Variants in ADGRG2 observed in about 807,000 individuals in gnomAD.
ADGRG2 encodes G protein-coupled receptor 64.
ADGRG2 carries 26 observed loss-of-function variants against 74.1 expected under a neutral mutation model. That is an observed-to-expected ratio of 0.35 (90% CI 0.26 to 0.49). ADGRG2 has a LOEUF of 0.49. Ranked by LOEUF, ADGRG2 falls within the 20% of genes least tolerant of loss-of-function variation. The pLI, the probability that ADGRG2 is intolerant of heterozygous loss-of-function variation, is 0.99. For synonymous variants in ADGRG2, 296 were observed against 295.2 expected, an observed-to-expected ratio of 1.00 and a Z score of -0.03; for missense variants, 619 against 763.1, an observed-to-expected ratio of 0.81 and a Z score of 2.22.
rs41304743 is a variant in ADGRG2 at position 18,990,162 on chromosome X, G to A, written c.*702C>T. The A allele has an allele frequency of 0.024, 2,692 of 112,535 alleles. 28 individuals carry two copies. The highest frequency in any genetic ancestry group is 0.037 in the Non-Finnish European group (1,995 of 53,212). 9.3% of individuals were successfully genotyped at this position (112,535 alleles called of 1,213,427 possible). On this transcript the variant is annotated 3_prime_UTR_variant, in exon 29 of 29. Transcript: ENST00000379869. ...CCCATAGGGCTGTGTCTGCCCAGTG[G>A]GGGCATCTTTTCCTAACTTGCTCAA...
Position 19,013,779 on chromosome X carries a change from C to G in ADGRG2, c.1006G>C (p.Gly336Arg), listed in dbSNP as rs150585318. ...GAGGCTTTCACAGGAGGTGGGGTGC[C>G]GGAGACATGGGTTTGGGGCATAGGG... ...SSPMPQTHVS[G>R]TPPPVKASFS... The change falls in exon 16 of 29, where the codon GGC (glycine) becomes CGC (arginine). Residue 336 changes from glycine to arginine, a missense_variant. By Grantham distance (125) the Gly-to-Arg change is moderately radical. This residue lies in a region of ADGRG2 where 292 missense variants were observed against 318.0 expected (regional missense o/e 0.92). Coordinates refer to ENST00000379869, the MANE Select transcript of ADGRG2 (RefSeq NM_001079858.3). The G allele has an allele frequency of 5.0e-6, 6 of 1,198,170 alleles. No homozygotes were observed. In the East Asian group the frequency reaches 1.8e-4, roughly 36 times the overall value.
chrX:19,020,633 T>C (rs1374922040), intron 14 of ADGRG2, among the ~76,000 whole-genome samples: 1 of 111,232 alleles, frequency 9.0e-6, no homozygotes, highest in African/African-American at 3.3e-5. Context: ...TAAAAAACTT[T>C]ATTAGCAAGC....
chrX:19,010,575 G>A (rs761828761), intron 17 of ADGRG2, 38 bp downstream of exon 17: 2 of 1,121,121 alleles, frequency 1.8e-6, no homozygotes, highest in South Asian at 3.9e-5. Context: ...TCTTTGGAGG[G>A]TCCCCTCTTA....
At chrX:19,001,716 G>A (rs2060135609) in intron 24 of ADGRG2, among the ~76,000 whole-genome samples, 1 of 111,697 alleles carries the variant, frequency 9.0e-6, no homozygotes, top group Non-Finnish European at 1.9e-5. Flanking sequence ...AAGGCAGGGT[G>A]GCAAGGGTGG....
chrX:19,067,715 G>A (rs2061590053), intron 3 of ADGRG2, among the ~76,000 whole-genome samples: 1 of 111,899 alleles, frequency 8.9e-6, no homozygotes, highest in Non-Finnish European at 1.9e-5. Flanking sequence ...CACAGAATGG[G>A]AGAAAATATT....
At chrX:19,108,157 C>T (rs1007291624) in intron 1 of ADGRG2, among the ~76,000 whole-genome samples, 2 of 106,285 alleles carry the variant, frequency 1.9e-5, no homozygotes, top group Non-Finnish European at 3.9e-5. Flanking sequence ...ACAACTAATG[C>T]TAGAACTTAA....
intron 2 of ADGRG2, among the ~76,000 whole-genome samples, chrX:19,077,845 T>C (rs1346602842): frequency 8.9e-6 from 1 of 112,386 alleles, no homozygotes; most frequent in African/African-American, 3.2e-5. Flanking sequence ...AATTTACATG[T>C]GAATGCAACT....
At chrX:19,014,390 G>C (rs978842301) in intron 15 of ADGRG2, among the ~76,000 whole-genome samples, 1 of 111,508 alleles carries the variant, frequency 9.0e-6, no homozygotes, top group Non-Finnish European at 1.9e-5. Context: ...TGTGCTCCCG[G>C]GTGAGGGGAA....
chrX:19,097,235 G>GGT (rs752800119), intron 1 of ADGRG2, among the ~76,000 whole-genome samples: 53 of 113,057 alleles, frequency 4.7e-4, no homozygotes, highest in African/African-American at 1.4e-3. Context: ...TCTTTGGCCA[G>GGT]GCGTTGTGGC....
At chrX:19,097,241 G>A (rs1048982026) in intron 1 of ADGRG2, among the ~76,000 whole-genome samples, 1 of 113,037 alleles carries the variant, frequency 8.8e-6, no homozygotes, top group African/African-American at 3.2e-5. Flanking sequence ...GCCAGGCGTT[G>A]TGGCTTACGC....
chrX:19,120,162 C>T (rs1394851182), intron 1 of ADGRG2, among the ~76,000 whole-genome samples: 1 of 111,276 alleles, frequency 9.0e-6, no homozygotes, highest in African/African-American at 3.3e-5. Context: ...GCTGGCATCA[C>T]GCTGAGGCCC....
chrX:19,024,008 CAT>C, intron 11 of ADGRG2, 60 bp from the exon 12 acceptor site: 1 of 840,146 alleles, frequency 1.2e-6, no homozygotes, highest in Non-Finnish European at 1.8e-6. Flanking sequence ...AAATTGAAAA[CAT>C]GTTAGATTTT....
At position 19,071,067 on chromosome X, in the gene ADGRG2, T is replaced by G. The variant is rs186645737; in HGVS notation, c.-1-2232A>C. On this transcript the variant is annotated intron_variant, in intron 2 of 28. Coordinates refer to ENST00000379869, the MANE Select transcript of ADGRG2 (RefSeq NM_001079858.3). ...TGCTGGGATTAAGGGGTGGAGGGCA[T>G]GGAAAGAAAGGGGTTTTATAAGTCA... Among the ~76,000 whole-genome samples the G allele has an allele frequency of 1.9e-3, 216 of 111,155 alleles. 2 individuals are homozygous for G. Among genetic ancestry groups the G allele is most frequent in the African/African-American group, 6.8e-3 (207 of 30,606 alleles).
intron 3 of ADGRG2, among the ~76,000 whole-genome samples, chrX:19,049,455 T>TTTTTTTTTTTTG (rs1328733136): frequency 2.3e-4 from 21 of 90,957 alleles, no homozygotes; most frequent in African/African-American, 4.8e-4. Flanking sequence ...TTTTTTTTTT[T>TTTTTTTTTTTTG]TTGTTGTTGT....
intron 3 of ADGRG2, among the ~76,000 whole-genome samples, chrX:19,051,866 T>C (rs747421502): frequency 8.9e-6 from 1 of 111,993 alleles, no homozygotes; most frequent in South Asian, 3.7e-4. Flanking sequence ...GTTGATTCCA[T>C]GTGAACTAGG....
chrX:19,076,331 C>T (rs1239880832), intron 2 of ADGRG2, among the ~76,000 whole-genome samples: 1 of 111,433 alleles, frequency 9.0e-6, no homozygotes, highest in Non-Finnish European at 1.9e-5. Flanking sequence ...TTCTTGGTGC[C>T]ACAGACTTCT....
chrX:19,122,951 T>A (rs1462097183), upstream of ADGRG2, among the ~76,000 whole-genome samples: 1 of 112,352 alleles, frequency 8.9e-6, no homozygotes, highest in Non-Finnish European at 1.9e-5. Flanking sequence ...TGTCGCACGC[T>A]GTAATGGGTG....
In ADGRG2 at chrX:19,007,317, A is replaced by G; in HGVS notation, c.1607T>C (p.Ile536Thr). 2.5e-6 allele frequency: 3 copies of G among 1,206,190 alleles called. No individual in the cohort carries two copies. Among genetic ancestry groups the G allele is most frequent in the Non-Finnish European group, 2.2e-6 (2 of 890,405 alleles). The change falls in exon 20 of 29, where the codon ATA becomes ACA. Residue 536 changes from isoleucine (I) to threonine (T), a missense_variant. By Grantham distance (89) the Ile-to-Thr change is moderately conservative. This residue lies in a region of ADGRG2 where 221 missense variants were observed against 340.6 expected (regional missense o/e 0.65). Transcript: ENST00000379869. Reference sequence around the variant, plus strand: ...GGTCAGGTTTGCAACACTCGATGATATGACGTAGCTGATCAGAGAGAGGTT... The same window carrying G: ...GGTCAGGTTTGCAACACTCGATGATGTGACGTAGCTGATCAGAGAGAGGTT... ...LENLSLISYV[I>T]SSSVANLTVR...
intron 2 of ADGRG2, among the ~76,000 whole-genome samples, chrX:19,078,108 C>G (rs916843422): frequency 8.9e-6 from 1 of 112,088 alleles, no homozygotes; most frequent in Non-Finnish European, 1.9e-5. Context: ...CCATCCAGAC[C>G]AACAGAAAAG....
Sources: gnomAD v4.1 joint callset for allele counts (sites outside exome capture counted in the v4.1 genomes callset) on GRCh38, gnomAD v4.1.1 for gene constraint, gnomAD v4.1.1 regional missense constraint, MANE v1.5 for transcripts, NCBI Gene and HGNC (gene_info 2026-07-23, HGNC 2026-07-21) for gene names.